ROBO2: variants seen among roughly 807,000 people sequenced by gnomAD.
The protein encoded by ROBO2 is roundabout homolog 2.
A neutral mutation model predicts 160.8 loss-of-function variants in ROBO2; 53 were observed. The ratio of observed to expected loss-of-function variants is 0.33; its 90% CI spans 0.26 to 0.41. The LOEUF is 0.41. ROBO2 is among the 10% of genes least tolerant of loss of function. The probability of loss-of-function intolerance (pLI) is 1.00; values close to 1 mark genes in which losing one functional copy is unlikely to be tolerated. For synonymous variants in ROBO2, 664 were observed against 611.7 expected (o/e 1.09, Z -1.26); for missense variants, 1,577 against 1,722.4 (o/e 0.92, Z 1.49).
chr3:77,625,520 G>T (rs1432781141), intron 23 of ROBO2, among the ~76,000 whole-genome samples: 2 of 151,986 alleles, frequency 1.3e-5, no homozygotes, highest in African/African-American at 4.8e-5. Context: ...TGGGACTACA[G>T]ACGCCCACCA....
intron 2 of ROBO2, among the ~76,000 whole-genome samples, chr3:75,973,197 TAGA>T (rs2065044058): frequency 6.6e-6 from 1 of 151,706 alleles, no homozygotes; most frequent in African/African-American, 2.4e-5. Flanking sequence ...TAGGTCGTAT[TAGA>T]AGGACTATAA....
intron 2 of ROBO2, among the ~76,000 whole-genome samples, chr3:76,695,124 C>G (rs556938672): frequency 3.7e-4 from 56 of 152,194 alleles, no homozygotes; most frequent in Middle Eastern, 3.4e-3. Flanking sequence ...CAAACAAAAA[C>G]ACAAAAAACT....
At chr3:76,604,299 G>A (rs570703324) in intron 2 of ROBO2, among the ~76,000 whole-genome samples, 2 of 152,210 alleles carry the variant, frequency 1.3e-5, no homozygotes, top group South Asian at 2.1e-4. Flanking sequence ...TTGTGCATTC[G>A]AAGTAACATA....
chr3:76,735,749 G>A (rs1304789666), intron 2 of ROBO2, among the ~76,000 whole-genome samples: 4 of 121,228 alleles, frequency 3.3e-5, no homozygotes, highest in Non-Finnish European at 6.5e-5. Flanking sequence ...GACGGAGGGA[G>A]ACCCTGTCTC....
chr3:77,176,332 G>A (rs572103717), intron 2 of ROBO2, among the ~76,000 whole-genome samples: 3 of 152,146 alleles, frequency 2.0e-5, no homozygotes, highest in African/African-American at 7.2e-5. Context: ...GAATGAGTCA[G>A]TGAAAATACT....
intron 2 of ROBO2, among the ~76,000 whole-genome samples, chr3:76,946,462 G>GA (rs2078549793): frequency 6.6e-6 from 1 of 151,930 alleles, no homozygotes; most frequent in African/African-American, 2.4e-5. Context: ...TTTTGAGATG[G>GA]AGTCTTACTC....
At position 76,555,414 on chromosome 3, in the gene ROBO2, GAA is replaced by G. The variant is rs1560141410; in HGVS notation, c.110-542599_110-542598del. ...AGAAGAAGAAGAAGAAGAAGAAGAAGAAGAAAGAAGGAGAAGGGGAAGGGGAA... is the reference window on the plus strand; with the variant it reads ...AGAAGAAGAAGAAGAAGAAGAAGAAGGAAAGAAGGAGAAGGGGAAGGGGAA... On this transcript the variant is annotated intron_variant, in intron 2 of 26. Transcript: ENST00000487694. Among the ~76,000 whole-genome samples the G allele has an allele frequency of 4.4e-3, 296 of 67,992 alleles. 3 individuals carry two copies. The highest frequency in any genetic ancestry group is 8.8e-3 in the African/African-American group (289 of 33,020). 44.6% of individuals were successfully genotyped at this position (67,992 alleles called of 152,430 possible).
At chr3:77,085,794 G>GTCATTTAGAAAT (rs2069222710) in intron 1 of ROBO2, among the ~76,000 whole-genome samples, 1 of 152,060 alleles carries the variant, frequency 6.6e-6, no homozygotes, top group Non-Finnish European at 1.5e-5. Context: ...TCATAAAGGT[G>GTCATTTAGAAAT]TCATTTAGAA....
At chr3:77,004,577 AT>A (rs1255999065) in intron 2 of ROBO2, among the ~76,000 whole-genome samples, 22 of 152,168 alleles carry the variant, frequency 1.4e-4, no homozygotes, top group Admixed American at 7.2e-4. Flanking sequence ...AAATGTCTAA[AT>A]TTACTTGAAA....
At position 76,595,206 on chromosome 3, in the gene ROBO2, A is replaced by G. The variant is rs1414201377; in HGVS notation, c.110-502808A>G. 3.9e-5 allele frequency among the ~76,000 whole-genome samples: 6 copies of G among 152,194 alleles called. No homozygotes were observed. In the East Asian group the frequency reaches 9.6e-4, roughly 24 times the overall value. ...CATAATATCTGTGGTATTCTGTCAT[A>G]GCAACCCAAACAGACTAAGACAGAA... On this transcript the variant is annotated intron_variant, in intron 2 of 26. Transcript: ENST00000487694.
At chr3:77,264,989 T>C (rs1197867844) in intron 2 of ROBO2, among the ~76,000 whole-genome samples, 2 of 152,180 alleles carry the variant, frequency 1.3e-5, no homozygotes, top group Non-Finnish European at 2.9e-5. Context: ...GAAAATTTCC[T>C]GGATTGATGA....
intron 2 of ROBO2, among the ~76,000 whole-genome samples, chr3:76,598,270 G>C (rs2108904905): frequency 6.6e-6 from 1 of 152,120 alleles, no homozygotes; most frequent in Admixed American, 6.5e-5. Context: ...GCTTAGGGAT[G>C]GGAAGGAAGG....
chr3:76,231,125 A>C (rs1704597978), intron 2 of ROBO2, among the ~76,000 whole-genome samples: 1 of 152,196 alleles, frequency 6.6e-6, no homozygotes, highest in Non-Finnish European at 1.5e-5. Context: ...GAGGCTACCC[A>C]GTCAGAGAAA....
chr3:76,693,473 T>TTG (rs780241135), intron 2 of ROBO2, among the ~76,000 whole-genome samples: 145 of 107,146 alleles, frequency 1.4e-3, no homozygotes, highest in African/African-American at 2.0e-3. Flanking sequence ...TATATATGTA[T>TTG]TGTGTGTGTG....
intron 2 of ROBO2, among the ~76,000 whole-genome samples, chr3:77,332,726 C>T (rs2066101857): frequency 6.6e-6 from 1 of 152,076 alleles, no homozygotes; most frequent in Non-Finnish European, 1.5e-5. Context: ...CATGTTTGTA[C>T]CTGCTTGGGT....
At chr3:77,483,106 G>C (rs1389915211) in intron 4 of ROBO2, among the ~76,000 whole-genome samples, 2 of 152,004 alleles carry the variant, frequency 1.3e-5, no homozygotes, top group African/African-American at 4.8e-5. Flanking sequence ...TTTGTCTAGA[G>C]GCAGTTCCCC....
intron 19 of ROBO2, among the ~76,000 whole-genome samples, chr3:77,597,712 GGAAA>G (rs777135373): frequency 6.6e-6 from 1 of 150,964 alleles, no homozygotes; most frequent in Non-Finnish European, 1.5e-5. Flanking sequence ...TCAAAAGTAT[GGAAA>G]AAAAAAAGTG....
intron 2 of ROBO2, among the ~76,000 whole-genome samples, chr3:76,504,161 T>C (rs1323671236): frequency 6.6e-6 from 1 of 152,226 alleles, no homozygotes; most frequent in Non-Finnish European, 1.5e-5. Flanking sequence ...ACAAAAACTT[T>C]GTTTTACAAT....
At chr3:76,289,376 T>C (rs1195705749) in intron 2 of ROBO2, among the ~76,000 whole-genome samples, 3 of 152,144 alleles carry the variant, frequency 2.0e-5, no homozygotes, top group African/African-American at 4.8e-5. Flanking sequence ...AAGTTCCTTA[T>C]AGATGCTGAT....
Sources: gnomAD v4.1 joint callset for allele counts (sites outside exome capture counted in the v4.1 genomes callset) on GRCh38, gnomAD v4.1.1 for gene constraint, MANE v1.5 for transcripts, NCBI Gene and HGNC (gene_info 2026-07-23, HGNC 2026-07-21) for gene names.